The following CLMP variants were observed in gnomAD, a reference collection of about 807,000 sequenced individuals.
CLMP encodes CXADR-like membrane protein.
In CLMP, 27 loss-of-function variants were observed where a neutral mutation model predicts 45.2. The observed-to-expected ratio is 0.60, with a 90% CI of 0.44 to 0.82. CLMP has a LOEUF of 0.82. Ranked by LOEUF, CLMP falls within the 40% of genes least tolerant of loss-of-function variation. The pLI is 0.00. For synonymous variants in CLMP, 167 were observed against 171.4 expected (o/e 0.97, Z 0.20); for missense variants, 403 against 448.4 (o/e 0.90, Z 0.91).
intron 1 of CLMP, among the ~76,000 whole-genome samples, chr11:123,120,057 A>G (rs531391150): frequency 1.3e-5 from 2 of 152,238 alleles, no homozygotes; most frequent in Admixed American, 1.3e-4. Flanking sequence ...ACTTTTTCCC[A>G]TTCACTTATT....
intron 1 of CLMP, among the ~76,000 whole-genome samples, chr11:123,167,325 A>G (rs898519378): frequency 6.6e-6 from 1 of 152,070 alleles, no homozygotes; most frequent in Non-Finnish European, 1.5e-5. Context: ...TCACTCTGTC[A>G]CCCTGGCTGG....
At chr11:123,097,075 C>T (rs1465355889) in intron 2 of CLMP, among the ~76,000 whole-genome samples, 2 of 152,096 alleles carry the variant, frequency 1.3e-5, no homozygotes, top group Non-Finnish European at 2.9e-5. Context: ...TGGTCTTGAA[C>T]TCCTGGGCTC....
chr11:123,107,533 A>ATTTTTTTTTTTTTTT (rs1860578174), intron 1 of CLMP, among the ~76,000 whole-genome samples: 1 of 113,364 alleles, frequency 8.8e-6, no homozygotes, highest in African/African-American at 3.5e-5. Context: ...ACCTGACCTA[A>ATTTTTTTTTTTTTTT]ATTTTTTTTT....
chr11:123,111,989 T>G (rs947775490), intron 1 of CLMP, among the ~76,000 whole-genome samples: 1 of 152,212 alleles, frequency 6.6e-6, no homozygotes, highest in Non-Finnish European at 1.5e-5. Flanking sequence ...GGGTCTCAAG[T>G]GATGCCCCTG....
intron 1 of CLMP, among the ~76,000 whole-genome samples, chr11:123,115,918 T>A (rs1386503444): frequency 6.6e-6 from 1 of 152,120 alleles, no homozygotes; most frequent in Non-Finnish European, 1.5e-5. Flanking sequence ...TGACTCAGGG[T>A]CTCTCATGAA....
intron 1 of CLMP, among the ~76,000 whole-genome samples, chr11:123,146,923 C>G (rs1332301613): frequency 1.3e-5 from 2 of 152,138 alleles, no homozygotes; most frequent in African/African-American, 4.8e-5. Context: ...TACCAAGAAC[C>G]AGCGAGGCAT....
rs1396688326 is a variant in CLMP, at chr11:123,194,894, C to A, written c.28+19G>T. 6.2e-7 allele frequency: 1 copy of A among 1,613,334 alleles called. No individual in the cohort carries two copies. Among genetic ancestry groups the A allele is most frequent in the Non-Finnish European group, 8.5e-7 (1 of 1,179,648 alleles). On this transcript the variant is annotated intron_variant, in intron 1 of 6. Transcript: ENST00000448775. ...TTGCCCACGGCCATCCAAACTCCCG[C>A]CCTCCCAGAGGCACTCACCTAGCAA...
chr11:123,079,277 C>T (rs974161546), intron 5 of CLMP, among the ~76,000 whole-genome samples: 1 of 152,112 alleles, frequency 6.6e-6, no homozygotes, highest in African/African-American at 2.4e-5. Context: ...TCCTCATAAC[C>T]TTTCTAATAT....
intron 1 of CLMP, among the ~76,000 whole-genome samples, chr11:123,137,147 CTTTTTT>C (rs375816483): frequency 7.3e-5 from 6 of 82,456 alleles, no homozygotes; most frequent in African/African-American, 2.0e-4. Flanking sequence ...TTTTCTTTTT[CTTTTTT>C]TTTTTTTTTT....
At chr11:123,190,001 CAAAAAA>C (rs10594946) in intron 1 of CLMP, among the ~76,000 whole-genome samples, 11 of 129,524 alleles carry the variant, frequency 8.5e-5, no homozygotes, top group Admixed American at 1.5e-4. Flanking sequence ...GACTCTGTCT[CAAAAAA>C]AAAAAAAAAA....
chr11:123,080,326 C>CTTTT (rs35892566), intron 5 of CLMP, among the ~76,000 whole-genome samples: 1 of 136,280 alleles, frequency 7.3e-6, no homozygotes, highest in African/African-American at 2.7e-5. Context: ...TGAAGGTGTA[C>CTTTT]TTTTTTTTTT....
intron 1 of CLMP, among the ~76,000 whole-genome samples, chr11:123,132,952 A>G (rs937553142): frequency 4.0e-5 from 6 of 151,840 alleles, no homozygotes; most frequent in Admixed American, 2.0e-4. Context: ...ATTTTTTGGT[A>G]GAGGCAGGGT....
intron 1 of CLMP, among the ~76,000 whole-genome samples, chr11:123,130,713 G>A (rs750435052): frequency 6.6e-6 from 1 of 152,048 alleles, no homozygotes; most frequent in Non-Finnish European, 1.5e-5. Flanking sequence ...AAAAAAAGTA[G>A]TTCAGGAGTC....
Position 123,072,628 on chromosome 11 carries a change from A to G in CLMP, c.*846T>C, listed in dbSNP as rs1332807177. ...AGGACGTTGATAAATGACATGTTGT[A>G]TTTTCTCCTTCCAGAAATATCTAGC... On this transcript the variant is annotated 3_prime_UTR_variant, in exon 7 of 7. Coordinates refer to ENST00000448775, the MANE Select transcript of CLMP (RefSeq NM_024769.5). The G allele has an allele frequency of 2.6e-5, 4 of 152,102 alleles. No homozygotes were observed. The East Asian group carries it at 7.7e-4, about 29-fold the overall frequency. 9.4% of individuals were successfully genotyped at this position (152,102 alleles called of 1,614,324 possible). A position where few individuals can be genotyped will look rare whatever the true frequency, so the allele number is the denominator to read the frequency against.
intron 1 of CLMP, among the ~76,000 whole-genome samples, chr11:123,179,485 G>A (rs561694778): frequency 3.9e-5 from 6 of 152,158 alleles, no homozygotes; most frequent in Admixed American, 2.0e-4. Context: ...TACTGTAATG[G>A]CAAACCCTAG....
chr11:123,159,026 C>A (rs1163611726), intron 1 of CLMP, among the ~76,000 whole-genome samples: 2 of 152,170 alleles, frequency 1.3e-5, no homozygotes, highest in Non-Finnish European at 2.9e-5. Flanking sequence ...ATAAGTCAGA[C>A]CTCCCTTAAG....
rs367675450 is a variant in CLMP, at chr11:123,153,765, C to G, written c.28+41148G>C. 7.3e-4 allele frequency among the ~76,000 whole-genome samples: 111 copies of G among 152,192 alleles called. 3 individuals are homozygous for G. In the East Asian group the frequency reaches 0.016, roughly 22 times the overall value. On this transcript the variant is annotated intron_variant, in intron 1 of 6. Coordinates refer to ENST00000448775, the MANE Select transcript of CLMP (RefSeq NM_024769.5). Reference sequence around the variant, plus strand: ...TGGCACGATCTCAGCTCACTCCAGCCTCGACCTCCTGGGTTCATGTGATCC... The same window carrying G: ...TGGCACGATCTCAGCTCACTCCAGCGTCGACCTCCTGGGTTCATGTGATCC...
intron 1 of CLMP, among the ~76,000 whole-genome samples, chr11:123,121,506 C>T (rs1307122627): frequency 6.6e-6 from 1 of 152,066 alleles, no homozygotes; most frequent in Non-Finnish European, 1.5e-5. Context: ...CCATGTTGGC[C>T]AGGCTGGTCT....
At chr11:123,170,453 T>TG (rs1198923153) in intron 1 of CLMP, among the ~76,000 whole-genome samples, 9 of 151,682 alleles carry the variant, frequency 5.9e-5, no homozygotes, top group Admixed American at 5.9e-4. Flanking sequence ...TTTTTTTTTT[T>TG]TTTTGAAATG....
Sources: allele counts gnomAD v4.1 joint callset (sites outside exome capture counted in the v4.1 genomes callset), GRCh38; gene constraint gnomAD v4.1.1; transcripts MANE v1.5; gene names NCBI Gene and HGNC (gene_info 2026-07-23, HGNC 2026-07-21).